The following MAP3K2 variants were observed in gnomAD, a reference collection of about 807,000 sequenced individuals.
MAP3K2 encodes mitogen-activated protein kinase kinase kinase 2.
MAP3K2 carries 24 observed loss-of-function variants against 80.3 expected under a neutral mutation model. That is an observed-to-expected ratio of 0.30 (90% confidence interval 0.22 to 0.42). The LOEUF (loss-of-function observed/expected upper bound fraction) is 0.42. MAP3K2 is among the 10% of genes least tolerant of loss of function. MAP3K2 has a pLI of 1.00. For synonymous variants in MAP3K2, 244 were observed against 253.7 expected (o/e 0.96, Z 0.36); for missense variants, 608 against 750.1 (o/e 0.81, Z 2.21).
Position 127,330,515 on chromosome 2 carries a change from A to C in MAP3K2, c.265-10T>G. The C allele has an allele frequency of 1.4e-6, 2 of 1,385,792 alleles. No homozygotes were observed. Among genetic ancestry groups the C allele is most frequent in the Non-Finnish European group, 2.0e-6 (2 of 980,576 alleles). 85.8% of individuals were successfully genotyped at this position (1,385,792 alleles called of 1,614,324 possible). ...TTAATGGAATTACCAACTAAAAACA[A>C]ACATAAGGAACCATGCAGCTATCTC... is the stretch of plus-strand genomic sequence containing the variant. On this transcript the variant is annotated splice_polypyrimidine_tract_variant and intron_variant, in intron 5 of 16. Coordinates refer to ENST00000682094, the MANE Select transcript of MAP3K2 (RefSeq NM_001371910.2).
At chr2:127,350,940 C>G (rs1387176132) in intron 1 of MAP3K2, among the ~76,000 whole-genome samples, 3 of 151,838 alleles carry the variant, frequency 2.0e-5, no homozygotes, top group Non-Finnish European at 2.9e-5. Context: ...AGAAGAATAC[C>G]ACATCACCTC....
rs1045759527 is a variant in MAP3K2, at chr2:127,298,834, C to G, written c.*8745G>C. Reference sequence around the variant, plus strand: ...TTTTCATTGTGCTAATTATTGCAGGCCTTCATGCACGTAAACCTCAACAAA... The same window carrying G: ...TTTTCATTGTGCTAATTATTGCAGGGCTTCATGCACGTAAACCTCAACAAA... On this transcript the variant is annotated 3_prime_UTR_variant, in exon 17 of 17. Transcript: ENST00000682094. The G allele has an allele frequency of 4.6e-5, 7 of 152,168 alleles. No individual in the cohort carries two copies. The South Asian group carries it at 1.5e-3, about 32-fold the overall frequency. The allele number at this position is 152,168 out of a possible 1,614,324, so 9.4% of individuals were successfully genotyped here.
intron 5 of MAP3K2, among the ~76,000 whole-genome samples, 194 bp from the exon 6 acceptor site, chr2:127,330,699 A>G (rs959039133): frequency 2.0e-5 from 3 of 152,346 alleles, no homozygotes; most frequent in South Asian, 4.1e-4. Flanking sequence ...TAGAATGAAC[A>G]TGTATGTTTT....
At chr2:127,318,396 A>G in intron 12 of MAP3K2, 79 bp from the exon 13 acceptor site, 1 of 1,039,808 alleles carries the variant, frequency 9.6e-7, no homozygotes, top group Non-Finnish European at 1.3e-6. Flanking sequence ...AGCATACTGC[A>G]TTAGTGACAT....
At chr2:127,373,574 G>T (rs1687101604) in intron 1 of MAP3K2, among the ~76,000 whole-genome samples, 1 of 152,140 alleles carries the variant, frequency 6.6e-6, no homozygotes, top group African/African-American at 2.4e-5. Flanking sequence ...CGGCACAAAG[G>T]GAAATTGAAG....
At chr2:127,308,538 A>C (rs1212829789) in intron 16 of MAP3K2, 47 bp downstream of exon 16, 1 of 1,487,676 alleles carries the variant, frequency 6.7e-7, no homozygotes, top group South Asian at 1.4e-5. Flanking sequence ...AGGTGGAAAT[A>C]CATAGGCGGC....
intron 2 of MAP3K2, 35 bp downstream of exon 2, chr2:127,343,091 A>G (rs1686529904): frequency 1.3e-6 from 2 of 1,534,540 alleles, no homozygotes; most frequent in Non-Finnish European, 1.8e-6. Flanking sequence ...CTATCCTTTA[A>G]TTATTGCTGA....
chr2:127,319,731 C>T lies in MAP3K2; in HGVS notation c.1046-1414G>A, dbSNP rs1158387564. On this transcript the variant is annotated intron_variant, in intron 12 of 16. Coordinates refer to ENST00000682094, the MANE Select transcript of MAP3K2 (RefSeq NM_001371910.2). ...GCAGATGCCCGCAATCCCAGCTACTCGGGAGGCTGATGCGGGAGAATCGCT... is the reference window on the plus strand; with the variant it reads ...GCAGATGCCCGCAATCCCAGCTACTTGGGAGGCTGATGCGGGAGAATCGCT... 4.0e-5 allele frequency among the ~76,000 whole-genome samples: 6 copies of T among 148,408 alleles called. No individual in the cohort carries two copies. In the East Asian group the frequency reaches 7.9e-4, roughly 19 times the overall value.
At chr2:127,369,008 C>G (rs981653485) in intron 1 of MAP3K2, among the ~76,000 whole-genome samples, 2 of 151,856 alleles carry the variant, frequency 1.3e-5, no homozygotes, top group Admixed American at 6.6e-5. Context: ...AGTGCAGTGG[C>G]GGGATCTCGG....
At chr2:127,363,336 T>G (rs941870100) in intron 1 of MAP3K2, among the ~76,000 whole-genome samples, 2 of 152,200 alleles carry the variant, frequency 1.3e-5, no homozygotes, top group Non-Finnish European at 2.9e-5. Context: ...GATAAAATGC[T>G]AACATCCTCT....
rs1685553275 is a variant in MAP3K2, at chr2:127,299,661, T to C, written c.*7918A>G. On this transcript the variant is annotated 3_prime_UTR_variant, in exon 17 of 17. Transcript: ENST00000682094. ...CATTTCACGGAATTCTCAAAGAGAA[T>C]TTAATGCTTTTTCTTGCAAGAGTAT... The C allele has an allele frequency of 6.6e-6, 1 of 152,198 alleles. No homozygotes were observed. The highest frequency in any genetic ancestry group is 1.5e-5 in the Non-Finnish European group (1 of 67,996). The allele number at this position is 152,198 out of a possible 1,614,324, so 9.4% of individuals were successfully genotyped here. A position where few individuals can be genotyped will look rare whatever the true frequency, so the allele number is the denominator to read the frequency against.
intron 5 of MAP3K2, among the ~76,000 whole-genome samples, chr2:127,333,301 CACA>C (rs1558979670): frequency 6.6e-6 from 1 of 151,464 alleles, no homozygotes; most frequent in Non-Finnish European, 1.5e-5. Context: ...CACACACACA[CACA>C]CCCCTTATTA....
At position 127,326,734 on chromosome 2, in the gene MAP3K2, T is replaced by C. The variant is rs779656753; in HGVS notation, c.550A>G (p.Thr184Ala). 1.2e-6 allele frequency: 2 copies of C among 1,608,618 alleles called. No individual in the cohort carries two copies. The highest frequency in any genetic ancestry group is 2.2e-5 in the South Asian group (2 of 90,174). ...AACTCTCCTTCACTGTTGATACTAGTGAATGACCCATTCCGGGCAACCTGG... is the reference window on the plus strand; with the variant it reads ...AACTCTCCTTCACTGTTGATACTAGCGAATGACCCATTCCGGGCAACCTGG... ...LHQVARNGSF[T>A]SINSEGEFIP... The change falls in exon 8 of 17, where the codon ACT becomes GCT. Residue 184 changes from threonine (T) to alanine (A), a missense_variant. This residue lies in a region of MAP3K2 where 467 missense variants were observed against 521.9 expected (regional missense o/e 0.89). Transcript: ENST00000682094.
At chr2:127,328,044 G>A (rs1190522997) in intron 7 of MAP3K2, among the ~76,000 whole-genome samples, 2 of 152,230 alleles carry the variant, frequency 1.3e-5, no homozygotes, top group Admixed American at 6.5e-5. Context: ...GGAGGCCAAG[G>A]TGGGTGGATC....
chr2:127,311,701 C>G (rs541230057), intron 15 of MAP3K2, among the ~76,000 whole-genome samples: 1 of 151,858 alleles, frequency 6.6e-6, no homozygotes, highest in African/African-American at 2.4e-5. Context: ...TGGTTCAGTA[C>G]ATATCTTTCA....
chr2:127,366,878 T>TG, intron 1 of MAP3K2, among the ~76,000 whole-genome samples: 1 of 141,290 alleles, frequency 7.1e-6, no homozygotes, highest in African/African-American at 2.6e-5. Flanking sequence ...TTTTTTTTTT[T>TG]TTTTTTTTTT....
intron 1 of MAP3K2, among the ~76,000 whole-genome samples, chr2:127,362,521 A>G (rs555545446): frequency 7.2e-5 from 11 of 152,220 alleles, no homozygotes; most frequent in Admixed American, 5.2e-4. Context: ...TTTTTTTTCT[A>G]TATTTGATTA....
At chr2:127,370,229 G>C (rs998237875) in intron 1 of MAP3K2, among the ~76,000 whole-genome samples, 2 of 152,226 alleles carry the variant, frequency 1.3e-5, no homozygotes, top group African/African-American at 4.8e-5. Flanking sequence ...AGGCTTGTCA[G>C]GGCCTCAGCC....
rs930230935 is a variant in MAP3K2 at position 127,378,520 on chromosome 2, AT to A, written c.-66+8931del. On this transcript the variant is annotated intron_variant, in intron 1 of 16. Transcript: ENST00000682094. ...TTTATAATTTACAGTTTGTAACATA[AT>A]TTTTTATGATAAAATAACATTCAGT... Among the ~76,000 whole-genome samples the A allele has an allele frequency of 2.3e-4, 35 of 152,316 alleles. 1 individual carries two copies. The highest frequency in any genetic ancestry group is 1.7e-4 in the African/African-American group (7 of 41,570).
Sources: gnomAD v4.1 joint callset for allele counts (sites outside exome capture counted in the v4.1 genomes callset) on GRCh38, gnomAD v4.1.1 for gene constraint, gnomAD v4.1.1 regional missense constraint, MANE v1.5 for transcripts, NCBI Gene and HGNC (gene_info 2026-07-23, HGNC 2026-07-21) for gene names.